Variants in DHRSX observed in about 807,000 individuals in gnomAD.
The protein encoded by DHRSX is polyprenol dehydrogenase.
Under a neutral mutation model 34.0 loss-of-function variants are expected in DHRSX, and 31 were observed. The observed-to-expected ratio is 0.91, with a 90% CI of 0.69 to 1.23. The LOEUF is 1.23. DHRSX is among the 50% of genes most tolerant of loss of function. The probability of loss-of-function intolerance (pLI) is 0.00; values close to 1 mark genes in which losing one functional copy is unlikely to be tolerated. For synonymous variants in DHRSX, 201 were observed against 183.8 expected (o/e 1.09, Z -0.76); for missense variants, 414 against 428.1 (o/e 0.97, Z 0.29).
chrX:2,312,855 C>T (rs2124519815), intron 3 of DHRSX, among the ~76,000 whole-genome samples: 1 of 152,228 alleles, frequency 6.6e-6, no homozygotes, highest in South Asian at 2.1e-4. Flanking sequence ...GGAGGAGGTC[C>T]TGCCCATGGG....
At chrX:2,388,788 C>G (rs758563938) in intron 3 of DHRSX, among the ~76,000 whole-genome samples, 3 of 150,656 alleles carry the variant, frequency 2.0e-5, no homozygotes, top group African/African-American at 4.9e-5. Flanking sequence ...TGATCTCAGA[C>G]ATCCAGCCTC....
In DHRSX at chrX:2,479,380, C is replaced by T. The variant is rs771138533; in HGVS notation, c.109+21437G>A. On this transcript the variant is annotated intron_variant, in intron 1 of 6. Coordinates refer to ENST00000334651, the MANE Select transcript of DHRSX (RefSeq NM_145177.3). ...CCGCCACGTACACACTGAAGACATT[C>T]CCTAAGAATGTGGCCAAGGGACCAC... Among the ~76,000 whole-genome samples the T allele has an allele frequency of 5.3e-5, 8 of 151,608 alleles. No homozygotes were observed. The South Asian group carries it at 1.7e-3, about 32-fold the overall frequency.
At chrX:2,429,655 T>C (rs1193359961) in intron 1 of DHRSX, among the ~76,000 whole-genome samples, 5 of 151,990 alleles carry the variant, frequency 3.3e-5, no homozygotes, top group Non-Finnish European at 1.5e-5. Flanking sequence ...GGGGTCTTGC[T>C]GTGTTGCCCA....
intron 1 of DHRSX, among the ~76,000 whole-genome samples, chrX:2,448,029 TA>T (rs977678369): frequency 2.7e-4 from 38 of 143,300 alleles, no homozygotes; most frequent in East Asian, 1.0e-3. Context: ...ACCCCATCTC[TA>T]AAAAAAAAAC....
chrX:2,500,050 T>C (rs2045377479), intron 1 of DHRSX, among the ~76,000 whole-genome samples: 2 of 152,178 alleles, frequency 1.3e-5, no homozygotes, highest in Admixed American at 1.3e-4. Context: ...TAATAAATTC[T>C]GAACCTGCAA....
At chrX:2,335,023 T>C (rs1281385988) in intron 3 of DHRSX, 1 of 151,340 alleles carries the variant, frequency 6.6e-6, no homozygotes, top group Non-Finnish European at 1.5e-5. Context: ...CTACTAAAAA[T>C]GCAAAAAAAA....
At chrX:2,402,883 CTTTTTT>C (rs758977585) in intron 3 of DHRSX, among the ~76,000 whole-genome samples, 1 of 117,768 alleles carries the variant, frequency 8.5e-6, no homozygotes, top group Non-Finnish European at 1.8e-5. Context: ...TAATTGGTTT[CTTTTTT>C]TTTTTTTTTT....
intron 3 of DHRSX, among the ~76,000 whole-genome samples, chrX:2,302,637 T>TAAATAAATA (rs1254792604): frequency 9.4e-6 from 1 of 106,468 alleles, no homozygotes; most frequent in African/African-American, 3.2e-5. Flanking sequence ...ATAAATAAAG[T>TAAATAAATA]AATATATTGG....
At chrX:2,411,679 A>G (rs1381675347) in intron 2 of DHRSX, among the ~76,000 whole-genome samples, 1 of 151,848 alleles carries the variant, frequency 6.6e-6, no homozygotes, top group Non-Finnish European at 1.5e-5. Flanking sequence ...GTGAGATGAG[A>G]TTGCGCCACT....
chrX:2,433,437 G>A (rs1003964912), intron 1 of DHRSX, among the ~76,000 whole-genome samples: 4 of 151,784 alleles, frequency 2.6e-5, no homozygotes, highest in African/African-American at 7.3e-5. Flanking sequence ...TGTAGAACGC[G>A]CAGGTTTGTT....
chrX:2,425,070 GT>G (rs1230227731), intron 2 of DHRSX, 126 bp downstream of exon 2: 1 of 693,472 alleles, frequency 1.4e-6, no homozygotes, highest in Non-Finnish European at 2.5e-6. Context: ...AACCCAGGAG[GT>G]GGAGGCTGCA....
chrX:2,221,242 G>T lies in DHRSX; in HGVS notation c.805-13C>A, dbSNP rs1303452641. 1.2e-6 allele frequency: 2 copies of T among 1,610,728 alleles called. No homozygotes were observed. ...CTTCATCGGGGGTCTGGTGGAAGAAGAAAAGAAGGCTACGATGAGTCAAAT... is the reference window on the plus strand; with the variant it reads ...CTTCATCGGGGGTCTGGTGGAAGAATAAAAGAAGGCTACGATGAGTCAAAT... On this transcript the variant is annotated splice_polypyrimidine_tract_variant and intron_variant, in intron 6 of 6. Coordinates refer to ENST00000334651, the MANE Select transcript of DHRSX (RefSeq NM_145177.3).
chrX:2,488,093 A>G (rs1313627504), intron 1 of DHRSX: 1 of 152,434 alleles, frequency 6.6e-6, no homozygotes, highest in Non-Finnish European at 1.5e-5. Flanking sequence ...GCAATTCCCA[A>G]GCAGAAGCGT....
chrX:2,310,608 G>A (rs1490490211), intron 3 of DHRSX, among the ~76,000 whole-genome samples: 1 of 151,248 alleles, frequency 6.6e-6, no homozygotes, highest in African/African-American at 2.4e-5. Context: ...GCAAGAGAGA[G>A]GAAGAAAAAA....
At chrX:2,409,554 C>T (rs1349700651) in intron 2 of DHRSX, among the ~76,000 whole-genome samples, 1 of 152,106 alleles carries the variant, frequency 6.6e-6, no homozygotes, top group Non-Finnish European at 1.5e-5. Flanking sequence ...CGTTAGTTGG[C>T]TGTGTGCTCA....
chrX:2,228,345 G>A (rs866449893), intron 6 of DHRSX, among the ~76,000 whole-genome samples: 1 of 7,888 alleles, frequency 1.3e-4, no homozygotes, highest in Admixed American at 1.0e-3. Flanking sequence ...GGAAGGGAGG[G>A]AGGGAGGGAG....
intron 1 of DHRSX, among the ~76,000 whole-genome samples, chrX:2,473,375 A>G (rs773293240): frequency 0.2 from 30,899 of 151,438 alleles, 4,232 homozygotes; most frequent in African/African-American, 0.39. Flanking sequence ...TGTCATCCTA[A>G]CATTTTGGGA....
intron 3 of DHRSX, among the ~76,000 whole-genome samples, chrX:2,355,503 A>G (rs1024386478): frequency 1.8e-5 from 2 of 112,756 alleles, no homozygotes; most frequent in African/African-American, 6.7e-5. Flanking sequence ...CAAGAGCGAG[A>G]CCCCATCTAA....
intron 3 of DHRSX, among the ~76,000 whole-genome samples, chrX:2,306,556 G>A (rs1040224856): frequency 6.6e-6 from 1 of 151,630 alleles, no homozygotes; most frequent in Non-Finnish European, 1.5e-5. Flanking sequence ...CCACCCGCCA[G>A]GTTCAAGCGA....
Sources: allele counts gnomAD v4.1 joint callset (sites outside exome capture counted in the v4.1 genomes callset), GRCh38; gene constraint gnomAD v4.1.1; transcripts MANE v1.5; gene names NCBI Gene and HGNC (gene_info 2026-07-23, HGNC 2026-07-21).